KCNAB1: variants seen among roughly 807,000 people sequenced by gnomAD.
KCNAB1 encodes the protein voltage-gated potassium channel subunit beta-1.
KCNAB1 carries 35 observed loss-of-function variants against 64.6 expected under a neutral mutation model. The observed-to-expected ratio is 0.54, with a 90% CI of 0.41 to 0.72. The LOEUF (loss-of-function observed/expected upper bound fraction) is 0.72, where lower values mean the gene tolerates loss of function less well. Ranked by LOEUF, KCNAB1 falls within the 30% of genes least tolerant of loss-of-function variation. The pLI, the probability that KCNAB1 is intolerant of heterozygous loss-of-function variation, is 0.00. For missense variants in KCNAB1, 401 were observed against 512.9 expected (o/e 0.78, Z 2.11); for synonymous variants, 177 against 183.8 (o/e 0.96, Z 0.30).
intron 8 of KCNAB1, among the ~76,000 whole-genome samples, chr3:156,510,232 C>T (rs184885833): frequency 2.2e-4 from 33 of 152,324 alleles, no homozygotes; most frequent in Non-Finnish European, 4.0e-4. Flanking sequence ...GCTCTCCTCA[C>T]CTTTTTCTCA....
intron 8 of KCNAB1, among the ~76,000 whole-genome samples, chr3:156,476,165 A>G (rs1364650888): frequency 6.6e-6 from 1 of 152,008 alleles, no homozygotes; most frequent in Non-Finnish European, 1.5e-5. Context: ...TTATTTTTCC[A>G]TAAGTTATTG....
chr3:156,293,270 G>A (rs1298673343), intron 1 of KCNAB1, among the ~76,000 whole-genome samples: 1 of 152,198 alleles, frequency 6.6e-6, no homozygotes, highest in Non-Finnish European at 1.5e-5. Flanking sequence ...TGAATGTAGA[G>A]GAGAGAAGCT....
intron 1 of KCNAB1, among the ~76,000 whole-genome samples, chr3:156,292,861 A>T (rs867058355): frequency 6.6e-6 from 1 of 152,242 alleles, no homozygotes; most frequent in South Asian, 2.1e-4. Flanking sequence ...CTTTTGAAAG[A>T]CCAAGTTAAC....
At chr3:156,170,830 A>C (rs1318622374) in intron 1 of KCNAB1, among the ~76,000 whole-genome samples, 1 of 152,210 alleles carries the variant, frequency 6.6e-6, no homozygotes, top group African/African-American at 2.4e-5. Context: ...TGTTGGACTC[A>C]TATTTGGCCA....
chr3:156,402,273 C>T (rs552352557), intron 1 of KCNAB1, among the ~76,000 whole-genome samples: 4 of 151,860 alleles, frequency 2.6e-5, no homozygotes. Flanking sequence ...TCTAGTATCT[C>T]TAAATATAGA....
intron 2 of KCNAB1, among the ~76,000 whole-genome samples, chr3:156,436,923 C>G (rs1438580787): frequency 6.6e-6 from 1 of 152,092 alleles, no homozygotes; most frequent in Non-Finnish European, 1.5e-5. Flanking sequence ...AGTTTATTTC[C>G]ATTTGTCAAT....
chr3:156,191,705 C>A (rs947216234), intron 1 of KCNAB1, among the ~76,000 whole-genome samples: 1 of 152,004 alleles, frequency 6.6e-6, no homozygotes. Context: ...CTTCTTTTTC[C>A]CATTGATATA....
intron 1 of KCNAB1, among the ~76,000 whole-genome samples, chr3:156,147,940 G>GACACACACACACACACACACAC (rs6148150): frequency 0.025 from 3,678 of 145,938 alleles, 63 homozygotes; most frequent in South Asian, 0.045. Context: ...CACATGCCAA[G>GACACACACACACACACACACAC]ACACACACAC....
chr3:156,420,267 C>T (rs1715383241), intron 1 of KCNAB1, among the ~76,000 whole-genome samples: 1 of 152,220 alleles, frequency 6.6e-6, no homozygotes, highest in African/African-American at 2.4e-5. Flanking sequence ...CTACATCTTC[C>T]AAATGAAGAA....
At chr3:156,501,320 A>G (rs1716386347) in intron 8 of KCNAB1, among the ~76,000 whole-genome samples, 1 of 151,332 alleles carries the variant, frequency 6.6e-6, no homozygotes, top group East Asian at 2.0e-4. Context: ...TGCAAGGAGT[A>G]TATGGTATAT....
intron 1 of KCNAB1, among the ~76,000 whole-genome samples, chr3:156,192,908 A>AGATT (rs1164319568): frequency 1.3e-5 from 2 of 151,938 alleles, no homozygotes; most frequent in Non-Finnish European, 2.9e-5. Context: ...TGTAGGTGGG[A>AGATT]GATTGAGTCT....
intron 1 of KCNAB1, among the ~76,000 whole-genome samples, chr3:156,353,746 A>T (rs1290325224): frequency 6.6e-6 from 1 of 152,208 alleles, no homozygotes; most frequent in East Asian, 1.9e-4. Context: ...CACAACAGGG[A>T]GGCTGGCTTC....
intron 1 of KCNAB1, among the ~76,000 whole-genome samples, chr3:156,395,544 C>CAAAAAAAAAAAAAAAAAA (rs61017269): frequency 3.5e-4 from 9 of 25,462 alleles, no homozygotes; most frequent in Non-Finnish European, 7.8e-4. Flanking sequence ...GACTCCGTCT[C>CAAAAAAAAAAAAAAAAAA]AAAAAAAAAA....
At chr3:156,296,357 CCCT>C (rs1339186514) in intron 1 of KCNAB1, among the ~76,000 whole-genome samples, 11 of 151,456 alleles carry the variant, frequency 7.3e-5, no homozygotes, top group Non-Finnish European at 1.0e-4. Context: ...CTGATAAACT[CCCT>C]CCTCCTCATT....
chr3:156,324,796 C>G (rs1386279909), intron 1 of KCNAB1, among the ~76,000 whole-genome samples: 1 of 152,154 alleles, frequency 6.6e-6, no homozygotes, highest in Non-Finnish European at 1.5e-5. Flanking sequence ...AATAAAAAGA[C>G]CAGGGTAGTC....
intron 1 of KCNAB1, among the ~76,000 whole-genome samples, chr3:156,400,873 C>T (rs899001922): frequency 6.6e-6 from 1 of 152,178 alleles, no homozygotes; most frequent in Non-Finnish European, 1.5e-5. Flanking sequence ...CCATCCTACC[C>T]CCTACTTAGC....
chr3:156,499,444 T>G (rs1716231716), intron 8 of KCNAB1, among the ~76,000 whole-genome samples: 1 of 152,208 alleles, frequency 6.6e-6, no homozygotes, highest in South Asian at 2.1e-4. Context: ...GGGCTTAAGT[T>G]GAGAAATAAA....
intron 2 of KCNAB1, among the ~76,000 whole-genome samples, chr3:156,447,101 C>T (rs1402847813): frequency 6.6e-6 from 1 of 152,136 alleles, no homozygotes; most frequent in African/African-American, 2.4e-5. Flanking sequence ...TGGTGAGCCC[C>T]TTCACTTTCT....
At chr3:156,395,778 G>A (rs899913808) in intron 1 of KCNAB1, among the ~76,000 whole-genome samples, 2 of 151,978 alleles carry the variant, frequency 1.3e-5, no homozygotes, top group African/African-American at 2.4e-5. Context: ...ATTTAAATAT[G>A]TATTCTGAAA....
Sources: allele counts gnomAD v4.1 joint callset (sites outside exome capture counted in the v4.1 genomes callset), GRCh38; gene constraint gnomAD v4.1.1; transcripts MANE v1.5; gene names NCBI Gene and HGNC (gene_info 2026-07-23, HGNC 2026-07-21).